Variants in CYRIB observed in about 807,000 individuals in gnomAD.
The protein encoded by CYRIB is CYFIP-related Rac1 interactor B.
A neutral mutation model predicts 44.2 loss-of-function variants in CYRIB; 8 were observed. The observed-to-expected ratio is 0.18, with a 90% confidence interval of 0.11 to 0.33. The LOEUF is 0.33. CYRIB is among the 10% of genes least tolerant of loss of function. The probability of loss-of-function intolerance (pLI) is 1.00; values close to 1 mark genes in which losing one functional copy is unlikely to be tolerated. For synonymous variants in CYRIB, 131 were observed against 127.2 expected (o/e 1.03, Z -0.20); for missense variants, 185 against 382.8 (o/e 0.48, Z 4.31).
At chr8:130,008,072 G>T (rs564929609) in intron 1 of CYRIB, among the ~76,000 whole-genome samples, 10 of 151,956 alleles carry the variant, frequency 6.6e-5, no homozygotes, top group Non-Finnish European at 1.2e-4. Context: ...AGCCAGGTAT[G>T]GTTGCGGGCG....
intron 1 of CYRIB, among the ~76,000 whole-genome samples, chr8:130,008,842 G>A (rs1336000601): frequency 6.6e-6 from 1 of 152,168 alleles, no homozygotes; most frequent in Non-Finnish European, 1.5e-5. Flanking sequence ...GGAAGTTATT[G>A]CCCAAGTTTC....
In CYRIB at chr8:129,852,022, G is replaced by GA. The variant is rs113329717; in HGVS notation, c.633+139dup. 4,298 of 453,330 alleles carry GA rather than the reference G, an allele frequency of 9.5e-3. 162 individuals are homozygous for GA. The highest frequency in any genetic ancestry group is 0.073 in the African/African-American group (3,636 of 49,756). The allele number at this position is 453,330 out of a possible 1,614,324, so 28.1% of individuals were successfully genotyped here. A position where few individuals can be genotyped will look rare whatever the true frequency, so the allele number is the denominator to read the frequency against. On this transcript the variant is annotated intron_variant, in intron 8 of 11. Transcript: ENST00000519824. ...GACAGGTGTGCACATGTGGGCCTCA[G>GA]AAAAAAGTCAGGACTCAACACATAC...
rs1045664920 is a variant in CYRIB at position 130,011,725 on chromosome 8, C to T, written c.-296+4645G>A. 1.4e-4 allele frequency among the ~76,000 whole-genome samples: 21 copies of T among 151,636 alleles called. 1 individual carries two copies. The highest frequency in any genetic ancestry group is 3.9e-4 in the African/African-American group (16 of 41,206). ...GCGGGTGCCTGTAGTCCCAGCTACTCGGGAGGCTGAGGCAGAAGAATGGCA... is the reference window on the plus strand; with the variant it reads ...GCGGGTGCCTGTAGTCCCAGCTACTTGGGAGGCTGAGGCAGAAGAATGGCA... On this transcript the variant is annotated intron_variant, in intron 1 of 14. Coordinates refer to the CYRIB transcript ENST00000401979.
At chr8:129,939,379 G>A (rs548690321) in intron 1 of CYRIB, among the ~76,000 whole-genome samples, 52 of 151,692 alleles carry the variant, frequency 3.4e-4, no homozygotes, top group Admixed American at 2.0e-3. Context: ...CGGAAGAAAG[G>A]AAGACCCGAA....
chr8:129,909,263 TA>T (rs1299286179), intron 1 of CYRIB, among the ~76,000 whole-genome samples: 1 of 152,158 alleles, frequency 6.6e-6, no homozygotes, highest in African/African-American at 2.4e-5. Context: ...TTGTAGAGTC[TA>T]AAAAGTTTTT....
chr8:130,006,627 T>TACATATATATGTGTATATATAC (rs2097097410), intron 1 of CYRIB, among the ~76,000 whole-genome samples: 1 of 7,544 alleles, frequency 1.3e-4, no homozygotes, highest in African/African-American at 3.9e-4. Flanking sequence ...TGTATATATA[T>TACATATATATGTGTATATATAC]ACATATATAT....
intron 1 of CYRIB, among the ~76,000 whole-genome samples, chr8:129,939,343 T>G (rs1590609439): frequency 4.2e-5 from 5 of 118,304 alleles, no homozygotes; most frequent in Admixed American, 2.7e-4. Context: ...AGAGCGCGCG[T>G]GGAGGTGCCA....
chr8:129,867,692 T>C (rs1048536718), intron 4 of CYRIB, among the ~76,000 whole-genome samples: 3 of 152,162 alleles, frequency 2.0e-5, no homozygotes, highest in Admixed American at 2.0e-4. Context: ...TCAGACACGG[T>C]GCTATGCTGT....
chr8:129,910,577 C>CACTT (rs1188129452), intron 1 of CYRIB, among the ~76,000 whole-genome samples: 1 of 148,414 alleles, frequency 6.7e-6, no homozygotes, highest in African/African-American at 2.5e-5. Context: ...GTGGGAGGAT[C>CACTT]ACTTAAGACC....
chr8:129,938,809 G>GA (rs1057335851), intron 1 of CYRIB, among the ~76,000 whole-genome samples: 1 of 151,754 alleles, frequency 6.6e-6, no homozygotes, highest in Non-Finnish European at 1.5e-5. Context: ...AGTCTTCCAT[G>GA]AAAAAAATAA....
At chr8:129,988,182 T>C (rs1273938780) in intron 1 of CYRIB, among the ~76,000 whole-genome samples, 3 of 152,232 alleles carry the variant, frequency 2.0e-5, no homozygotes, top group Non-Finnish European at 2.9e-5. Context: ...ACGAAACTGC[T>C]ACGTGATACC....
At chr8:129,853,465 T>C (rs1256180577) in intron 7 of CYRIB, among the ~76,000 whole-genome samples, 4 of 152,352 alleles carry the variant, frequency 2.6e-5, no homozygotes, top group East Asian at 1.9e-4. Context: ...GTCTTTGATA[T>C]ATATATTTTA....
At chr8:129,991,315 C>G (rs2096627928) in intron 1 of CYRIB, among the ~76,000 whole-genome samples, 1 of 134,958 alleles carries the variant, frequency 7.4e-6, no homozygotes, top group Admixed American at 7.7e-5. Context: ...AAAGTCTTCT[C>G]CAAAACTCAT....
chr8:129,965,286 A>G (rs926197353), intron 2 of CYRIB, among the ~76,000 whole-genome samples: 4 of 147,198 alleles, frequency 2.7e-5, no homozygotes, highest in African/African-American at 7.8e-5. Flanking sequence ...GTGTCCTTCC[A>G]GCAATCGCCC....
chr8:129,906,891 C>A (rs1173984558), intron 1 of CYRIB, among the ~76,000 whole-genome samples: 1 of 152,156 alleles, frequency 6.6e-6, no homozygotes, highest in African/African-American at 2.4e-5. Context: ...AAATCAAAAC[C>A]ACAATGAGAT....
chr8:129,907,405 T>C (rs975462532), intron 1 of CYRIB, among the ~76,000 whole-genome samples: 2 of 151,104 alleles, frequency 1.3e-5, no homozygotes, highest in African/African-American at 4.9e-5. Context: ...ATGACAACAC[T>C]TGGACACAGG....
intron 3 of CYRIB, among the ~76,000 whole-genome samples, chr8:129,875,460 T>C (rs1017185462): frequency 1.3e-5 from 2 of 152,088 alleles, no homozygotes; most frequent in African/African-American, 4.8e-5. Context: ...ATCCTTTTGC[T>C]GTGGCCTCCC....
chr8:130,016,853 C>G (rs1475317384), upstream of CYRIB, among the ~76,000 whole-genome samples: 1 of 152,020 alleles, frequency 6.6e-6, no homozygotes, highest in African/African-American at 2.4e-5. Context: ...GGGCGCGCTG[C>G]GATTGGGGGT....
At chr8:129,960,518 G>A (rs1052778251) in intron 2 of CYRIB, among the ~76,000 whole-genome samples, 19 of 150,830 alleles carry the variant, frequency 1.3e-4, no homozygotes, top group Admixed American at 2.0e-4. Flanking sequence ...TAGGATAATC[G>A]CTTAAACCTG....
Sources: gnomAD v4.1 joint callset for allele counts (sites outside exome capture counted in the v4.1 genomes callset) on GRCh38, gnomAD v4.1.1 for gene constraint, MANE v1.5 for transcripts, NCBI Gene and HGNC (gene_info 2026-07-23, HGNC 2026-07-21) for gene names.